Variants in FAM91A1 observed in about 807,000 individuals in gnomAD.
FAM91A1 encodes protein FAM91A1.
A neutral mutation model predicts 113.5 loss-of-function variants in FAM91A1; 41 were observed. The ratio of observed to expected loss-of-function variants is 0.36; its 90% CI spans 0.28 to 0.47. FAM91A1 has a LOEUF of 0.47. Ranked by LOEUF, FAM91A1 falls within the 20% of genes least tolerant of loss-of-function variation. The pLI is 1.00. For synonymous variants in FAM91A1, 307 were observed against 347.9 expected, an observed-to-expected ratio of 0.88 and a Z score of 1.31; for missense variants, 696 against 1,001.2, an observed-to-expected ratio of 0.70 and a Z score of 4.11.
chr8:123,790,816 G>A (rs1815366190), intron 15 of FAM91A1, among the ~76,000 whole-genome samples: 2 of 152,192 alleles, frequency 1.3e-5, no homozygotes, highest in African/African-American at 4.8e-5. Context: ...ATTACAGATT[G>A]TTACATACTG....
At chr8:123,776,504 G>A (rs1814987237) in intron 3 of FAM91A1, among the ~76,000 whole-genome samples, 1 of 152,234 alleles carries the variant, frequency 6.6e-6, no homozygotes, top group Admixed American at 6.5e-5. Context: ...GATAGCCCAG[G>A]TAGCATAGTG....
chr8:123,777,731 A>G (rs1475155719), intron 4 of FAM91A1, among the ~76,000 whole-genome samples: 1 of 152,196 alleles, frequency 6.6e-6, no homozygotes, highest in African/African-American at 2.4e-5. Context: ...TGAATGTGTC[A>G]TAATTCTGTT....
intron 22 of FAM91A1, 139 bp downstream of exon 22, chr8:123,809,155 G>T: frequency 8.0e-7 from 1 of 1,255,018 alleles, no homozygotes. Flanking sequence ...GAGATCGCTA[G>T]TTTAAGGGTT....
intron 1 of FAM91A1, 67 bp downstream of exon 1, chr8:123,768,841 C>T: frequency 4.6e-6 from 7 of 1,512,728 alleles, no homozygotes; most frequent in Non-Finnish European, 5.4e-6. Flanking sequence ...CTGCTTGCCT[C>T]GCTCGCGGGG....
chr8:123,808,971 A>G lies in FAM91A1; in HGVS notation c.2216A>G (p.Lys739Arg), dbSNP rs1815881707. 1 of 1,613,126 alleles carries G rather than the reference A, an allele frequency of 6.2e-7. No individual in the cohort carries two copies. The highest frequency in any genetic ancestry group is 1.3e-5 in the African/African-American group (1 of 74,882). ...IPLFSSELNR[K>R]VCRKIAAHGL... ...CTGTTCAGTTCCGAATTAAACCGGA[A>G]AGTTTGTAGGAAAATTGCTGCACAT... The change falls in exon 22 of 24, where the codon AAA becomes AGA. Residue 739 changes from lysine to arginine, a missense_variant. By Grantham distance (26) the Lys-to-Arg change is conservative (BLOSUM62 2). Transcript: ENST00000334705.
intron 1 of FAM91A1, among the ~76,000 whole-genome samples, chr8:123,770,602 C>A (rs1168442683): frequency 6.6e-6 from 1 of 152,094 alleles, no homozygotes; most frequent in Non-Finnish European, 1.5e-5. Context: ...TTCTTTGTTT[C>A]CATTTTTTCT....
chr8:123,777,216 AT>A, intron 3 of FAM91A1, 48 bp from the exon 4 acceptor site: 1 of 1,219,248 alleles, frequency 8.2e-7, no homozygotes, highest in Non-Finnish European at 1.2e-6. Context: ...ACACATTTTT[AT>A]TTAAGGACAT....
chr8:123,803,491 CAG>C (rs561852000), intron 18 of FAM91A1, among the ~76,000 whole-genome samples: 246 of 152,048 alleles, frequency 1.6e-3, no homozygotes, highest in Non-Finnish European at 2.9e-3. Context: ...TTTATAGAGA[CAG>C]GGTTTCACCA....
chr8:123,789,990 G>T (rs1442077504), intron 15 of FAM91A1, among the ~76,000 whole-genome samples: 1 of 152,144 alleles, frequency 6.6e-6, no homozygotes, highest in East Asian at 1.9e-4. Flanking sequence ...CTGCAAAAGT[G>T]TTGGTGTTAA....
At chr8:123,805,741 A>G (rs1288244806) in intron 19 of FAM91A1, among the ~76,000 whole-genome samples, 2 of 152,238 alleles carry the variant, frequency 1.3e-5, no homozygotes, top group African/African-American at 4.8e-5. Context: ...CAAAATCTCA[A>G]AAACTGCTTA....
At chr8:123,791,665 C>T (rs904741368) in intron 15 of FAM91A1, among the ~76,000 whole-genome samples, 19 of 152,264 alleles carry the variant, frequency 1.2e-4, no homozygotes, top group African/African-American at 4.1e-4. Flanking sequence ...TAGCTTAGCT[C>T]CTCATCTGAA....
In FAM91A1 at chr8:123,810,319, C is replaced by T; in HGVS notation, c.2299C>T (p.Leu767=). 1.2e-6 allele frequency: 2 copies of T among 1,612,712 alleles called. No homozygotes were observed. Among genetic ancestry groups the T allele is most frequent in the Non-Finnish European group, 1.7e-6 (2 of 1,179,530 alleles). ...NLLHSSRKLS[L]QVLNFVHSFQ... is the part of the protein sequence containing the mutation. Reference sequence around the variant, plus strand: ...CTTACATTCCAGTAGAAAACTCTCTCTGCAAGTCCTTAACTTTGTTCACTC... The same window carrying T: ...CTTACATTCCAGTAGAAAACTCTCTTTGCAAGTCCTTAACTTTGTTCACTC... The change falls in exon 23 of 24, where the codon CTG becomes TTG. Residue 767 remains leucine, a synonymous_variant. Transcript: ENST00000334705.
Position 123,768,471 on chromosome 8 carries a change from A to G in FAM91A1, c.-232A>G, listed in dbSNP as rs920618546. On this transcript the variant is annotated 5_prime_UTR_variant, in exon 1 of 24. Transcript: ENST00000334705. Reference sequence around the variant, plus strand: ...TTTCCGGCGGCCCGAAACTAGGAAGAAACTTGGAGCTGTTCAGGCGATCCA... The same window carrying G: ...TTTCCGGCGGCCCGAAACTAGGAAGGAACTTGGAGCTGTTCAGGCGATCCA... 2.7e-5 allele frequency: 12 copies of G among 442,754 alleles called. No individual in the cohort carries two copies. The highest frequency in any genetic ancestry group is 4.0e-5 in the Non-Finnish European group (10 of 251,886). The allele number at this position is 442,754 out of a possible 1,614,324, so 27.4% of individuals were successfully genotyped here. A position where few individuals can be genotyped will look rare whatever the true frequency, so the allele number is the denominator to read the frequency against.
rs568719675 is a variant in FAM91A1, at chr8:123,797,621, C to T, written c.1412-469C>T. ...TATTGTAAGAATATAGCATATAGTA[C>T]ATATAACATATAAAATATGTATTAA... On this transcript the variant is annotated intron_variant, in intron 15 of 23. Coordinates refer to ENST00000334705, the MANE Select transcript of FAM91A1 (RefSeq NM_144963.4). Among the ~76,000 whole-genome samples, 10 of 152,222 alleles carry T rather than the reference C, an allele frequency of 6.6e-5. No homozygotes were observed. The South Asian group carries it at 2.1e-3, about 32-fold the overall frequency.
chr8:123,789,717 A>G lies in FAM91A1; in HGVS notation c.1383A>G (p.Gln461=), dbSNP rs780531025. The G allele has an allele frequency of 8.1e-6, 13 of 1,613,484 alleles. No individual in the cohort carries two copies. The highest frequency in any genetic ancestry group is 1.1e-5 in the South Asian group (1 of 91,046). ...FLRHNKDLVA[Q]TAQPDQPNYG... is the part of the protein sequence containing the mutation. Reference sequence around the variant, plus strand: ...GTCATAACAAAGATCTAGTTGCGCAAACTGCACAGCCAGACCAACCCAATT... The same window carrying G: ...GTCATAACAAAGATCTAGTTGCGCAGACTGCACAGCCAGACCAACCCAATT... Residue 461 remains glutamine, a synonymous_variant, in exon 15 of 24, where the codon CAA becomes CAG. Transcript: ENST00000334705.
intron 21 of FAM91A1, 144 bp from the exon 22 acceptor site, chr8:123,808,749 C>T (rs1815875656): frequency 1.3e-6 from 1 of 756,222 alleles, no homozygotes; most frequent in Non-Finnish European, 2.0e-6. Flanking sequence ...CAATTTCTTC[C>T]TCCCCTGCCA....
intron 8 of FAM91A1, among the ~76,000 whole-genome samples, chr8:123,782,502 C>G (rs1481304905): frequency 1.3e-5 from 2 of 152,066 alleles, no homozygotes; most frequent in African/African-American, 2.4e-5. Context: ...ATGAAAGGCT[C>G]TATTATTAAA....
At chr8:123,781,463 T>C (rs1243566595) in intron 8 of FAM91A1, among the ~76,000 whole-genome samples, 1 of 150,676 alleles carries the variant, frequency 6.6e-6, no homozygotes, top group Non-Finnish European at 1.5e-5. Context: ...TTAAACCTTG[T>C]GCATATGTGA....
At chr8:123,791,412 A>T (rs1586383098) in intron 15 of FAM91A1, among the ~76,000 whole-genome samples, 1 of 152,024 alleles carries the variant, frequency 6.6e-6, no homozygotes, top group Admixed American at 6.6e-5. Context: ...TTTTTTCCCC[A>T]TGAATAGTCA....
Sources: gnomAD v4.1 joint callset for allele counts (sites outside exome capture counted in the v4.1 genomes callset) on GRCh38, gnomAD v4.1.1 for gene constraint, MANE v1.5 for transcripts, NCBI Gene and HGNC (gene_info 2026-07-23, HGNC 2026-07-21) for gene names.